Variants in ARB2A observed in about 807,000 individuals in gnomAD.
ARB2A encodes the protein cotranscriptional regulator ARB2A.
chr5:93,863,545 A>T, the ARB2A span: 9 of 151,960 alleles, frequency 5.9e-5, no homozygotes, highest in Non-Finnish European at 1.5e-5. Flanking sequence ...GTGGGATTAC[A>T]TGTGTGAGCC....
chr5:93,906,681 T>A, the ARB2A span, among the ~76,000 whole-genome samples: 1 of 151,648 alleles, frequency 6.6e-6, no homozygotes, highest in South Asian at 2.1e-4. Context: ...ATTATTTACA[T>A]GTTCAGTGCA....
chr5:94,070,558 A>G, the ARB2A span, among the ~76,000 whole-genome samples: 1 of 152,126 alleles, frequency 6.6e-6, no homozygotes, highest in Admixed American at 6.5e-5. Context: ...CCTAACTTGA[A>G]CATTACACAT....
the ARB2A span, among the ~76,000 whole-genome samples, chr5:93,846,639 C>T: frequency 6.6e-6 from 1 of 152,016 alleles, no homozygotes; most frequent in South Asian, 2.1e-4. Context: ...TATATACTTG[C>T]TATAATTTAG....
chr5:93,734,118 T>C, the ARB2A span: 1 of 152,164 alleles, frequency 6.6e-6, no homozygotes, highest in African/African-American at 2.4e-5. Context: ...CATGATTTCT[T>C]AGAGAATAAG....
the ARB2A span, among the ~76,000 whole-genome samples, chr5:93,841,596 T>C: frequency 2.0e-5 from 3 of 152,214 alleles, no homozygotes; most frequent in Admixed American, 2.0e-4. Flanking sequence ...GGTACCATTA[T>C]TGTCCCCATA....
chr5:94,053,115 A>AGATAG, the ARB2A span: 11 of 1,462,270 alleles, frequency 7.5e-6, no homozygotes, highest in Non-Finnish European at 1.0e-5. Flanking sequence ...ATAGATAGAT[A>AGATAG]ACCCACTTAC....
chr5:93,722,619 G>T, the ARB2A span, among the ~76,000 whole-genome samples: 1 of 152,236 alleles, frequency 6.6e-6, no homozygotes, highest in Admixed American at 6.6e-5. Context: ...AAGAAAAAGA[G>T]TGATTAAAGT....
chr5:93,948,713 C>A, the ARB2A span, among the ~76,000 whole-genome samples: 1 of 152,184 alleles, frequency 6.6e-6, no homozygotes, highest in African/African-American at 2.4e-5. Context: ...GGTCCAGTTT[C>A]AGCTTTCTAC....
At chr5:94,075,560 A>G in the ARB2A span, among the ~76,000 whole-genome samples, 1 of 152,144 alleles carries the variant, frequency 6.6e-6, no homozygotes, top group East Asian at 1.9e-4. Context: ...GAAAATTTAA[A>G]CTACATTTAA....
At chr5:93,755,453 A>T in the ARB2A span, among the ~76,000 whole-genome samples, 1 of 152,204 alleles carries the variant, frequency 6.6e-6, no homozygotes, top group Non-Finnish European at 1.5e-5. Flanking sequence ...TGCATTGTGA[A>T]TTCTAGCTCT....
chr5:93,768,902 T>C, the ARB2A span, among the ~76,000 whole-genome samples: 1 of 151,754 alleles, frequency 6.6e-6, no homozygotes, highest in Non-Finnish European at 1.5e-5. Context: ...ATGTTAATAA[T>C]GAACAACAAG....
chr5:93,864,457 A>T, the ARB2A span, among the ~76,000 whole-genome samples: 1 of 152,158 alleles, frequency 6.6e-6, no homozygotes, highest in South Asian at 2.1e-4. Flanking sequence ...AAATACCACC[A>T]CATTACTGGA....
At chr5:93,851,708 G>C in the ARB2A span, among the ~76,000 whole-genome samples, 1 of 151,992 alleles carries the variant, frequency 6.6e-6, no homozygotes, top group Non-Finnish European at 1.5e-5. Context: ...GTGGTGTTTG[G>C]TTTTTTGTTC....
chr5:93,815,370 A>C, the ARB2A span, among the ~76,000 whole-genome samples: 1 of 152,348 alleles, frequency 6.6e-6, no homozygotes, highest in Admixed American at 6.5e-5. Flanking sequence ...TTAGACCCAT[A>C]GTGAACATTT....
chr5:93,630,773 C>T, the ARB2A span, among the ~76,000 whole-genome samples: 4 of 152,022 alleles, frequency 2.6e-5, no homozygotes, highest in East Asian at 7.7e-4. Context: ...GCCCTCTCTA[C>T]CAAAAATACA....
chr5:94,070,548 C>A, the ARB2A span, among the ~76,000 whole-genome samples: 1 of 152,056 alleles, frequency 6.6e-6, no homozygotes, highest in African/African-American at 2.4e-5. Flanking sequence ...ATGGAAATAT[C>A]CTAACTTGAA....
the ARB2A span, among the ~76,000 whole-genome samples, chr5:93,746,390 A>G: frequency 2.0e-5 from 3 of 152,230 alleles, no homozygotes; most frequent in Non-Finnish European, 4.4e-5. Flanking sequence ...CCATTTGTAA[A>G]TAACAGTAAT....
At chr5:93,924,827 T>C in the ARB2A span, among the ~76,000 whole-genome samples, 1 of 152,176 alleles carries the variant, frequency 6.6e-6, no homozygotes, top group Non-Finnish European at 1.5e-5. Flanking sequence ...TTACATAATA[T>C]AGGCTTCTGA....
chr5:93,957,334 C>T, the ARB2A span, among the ~76,000 whole-genome samples: 2 of 152,128 alleles, frequency 1.3e-5, no homozygotes, highest in Non-Finnish European at 2.9e-5. Context: ...ATCCGATTTT[C>T]TTTACTAAGT....
Sources: gnomAD v4.1 joint callset for allele counts (sites outside exome capture counted in the v4.1 genomes callset) on GRCh38, gnomAD v4.1.1 for gene constraint, MANE v1.5 for transcripts, NCBI Gene and HGNC (gene_info 2026-07-23, HGNC 2026-07-21) for gene names.